Variants in MC5R observed in about 807,000 individuals in gnomAD.
MC5R encodes the protein melanocortin receptor 5.
For missense variants in MC5R, 420 were observed against 431.4 expected, an observed-to-expected ratio of 0.97 and a Z score of 0.23; for synonymous variants, 167 against 164.4, an observed-to-expected ratio of 1.02 and a Z score of -0.12.
rs780394330 is a variant in MC5R, at chr18:13,826,673, G to C, written c.908G>C (p.Arg303Pro). ...LIYAFRSQEM[R>P]KTFKEIICCR... ...TATGCCTTCCGCAGCCAAGAGATGC[G>C]GAAGACCTTTAAGGAGATTATTTGC... Residue 303 changes from arginine to proline, a missense_variant, in exon 2 of 2, where the codon CGG becomes CCG. Coordinates refer to ENST00000589410, the MANE Select transcript of MC5R (RefSeq NM_005913.3). 1 of 1,613,950 alleles carries C rather than the reference G, an allele frequency of 6.2e-7. No individual in the cohort carries two copies. Among genetic ancestry groups the C allele is most frequent in the Admixed American group, 1.7e-5 (1 of 60,012 alleles).
intron 1 of MC5R, among the ~76,000 whole-genome samples, chr18:13,825,048 G>A (rs1298200406): frequency 6.6e-6 from 1 of 152,222 alleles, no homozygotes; most frequent in African/African-American, 2.4e-5. Context: ...CAGCTGTGGA[G>A]GCTGAATCCT....
Position 13,825,945 on chromosome 18 carries a change from C to A in MC5R, c.180C>A (p.Ala60=), listed in dbSNP as rs777096871. 56 of 1,613,918 alleles carry A rather than the reference C, an allele frequency of 3.5e-5. No individual in the cohort carries two copies. Among genetic ancestry groups the A allele is most frequent in the Non-Finnish European group, 4.6e-5 (54 of 1,180,006 alleles). ...TGGAGAACATCTTGGTCATAGGGGCCATAGTGAAGAACAAAAACCTGCACT... is the reference window on the plus strand; with the variant it reads ...TGGAGAACATCTTGGTCATAGGGGCAATAGTGAAGAACAAAAACCTGCACT... ...SLLENILVIG[A]IVKNKNLHSP... is the part of the protein sequence containing the mutation. The change falls in exon 2 of 2, where the codon GCC becomes GCA. Residue 60 remains alanine, a synonymous_variant. Transcript: ENST00000589410.
Position 13,825,934 on chromosome 18 carries a change from G to A in MC5R, c.169G>A (p.Val57Ile), listed in dbSNP as rs761336397. Residue 57 changes from valine (V) to isoleucine (I), a missense_variant, in exon 2 of 2, where the codon GTC becomes ATC. Physicochemically the swap from Val to Ile is conservative, Grantham distance 29 (BLOSUM62 3). Transcript: ENST00000589410. ...CATCAGCCTCTTGGAGAACATCTTG[G>A]TCATAGGGGCCATAGTGAAGAACAA... ...GVISLLENIL[V>I]IGAIVKNKNL... 3 of 1,614,066 alleles carry A rather than the reference G, an allele frequency of 1.9e-6. No individual in the cohort carries two copies. The East Asian group carries it at 6.7e-5, about 36-fold the overall frequency.
Position 13,827,049 on chromosome 18 carries a change from T to C in MC5R, c.*306T>C, listed in dbSNP as rs1314786371. 3.1e-6 allele frequency: 1 copy of C among 321,746 alleles called. No homozygotes were observed. The highest frequency in any genetic ancestry group is 5.7e-6 in the Non-Finnish European group (1 of 175,290). 19.9% of individuals were successfully genotyped at this position (321,746 alleles called of 1,614,324 possible). On this transcript the variant is annotated 3_prime_UTR_variant, in exon 2 of 2. Coordinates refer to ENST00000589410, the MANE Select transcript of MC5R (RefSeq NM_005913.3). ...ACCTAGCAGGCATGTGCTCGGGGAATGCACAGCACCCTCAGTGCAAGCCAG... is the reference window on the plus strand; with the variant it reads ...ACCTAGCAGGCATGTGCTCGGGGAACGCACAGCACCCTCAGTGCAAGCCAG...
rs778905026 is a variant in MC5R, at chr18:13,827,100, C to T, written c.*357C>T. The T allele has an allele frequency of 3.6e-5, 7 of 193,670 alleles. No homozygotes were observed. The highest frequency in any genetic ancestry group is 1.6e-4 in the South Asian group (1 of 6,336). 12.0% of individuals were successfully genotyped at this position (193,670 alleles called of 1,614,324 possible). A position where few individuals can be genotyped will look rare whatever the true frequency, so the allele number is the denominator to read the frequency against. ...ACATGATGAAACACGTATTGTGACG[C>T]GAAGAAAACCGTGATATCGACGCCA... On this transcript the variant is annotated 3_prime_UTR_variant, in exon 2 of 2. Transcript: ENST00000589410.
rs767250007 is a variant in MC5R at position 13,826,787 on chromosome 18, T to C, written c.*44T>C. Reference sequence around the variant, plus strand: ...TGTGGCTCTGTTCTCCTTTGTTTGCTCACCTATGACAAAGCGACAGCCAAG... The same window carrying C: ...TGTGGCTCTGTTCTCCTTTGTTTGCCCACCTATGACAAAGCGACAGCCAAG... On this transcript the variant is annotated 3_prime_UTR_variant, in exon 2 of 2. Coordinates refer to ENST00000589410, the MANE Select transcript of MC5R (RefSeq NM_005913.3). 6.5e-7 allele frequency: 1 copy of C among 1,550,264 alleles called. No homozygotes were observed. The highest frequency in any genetic ancestry group is 8.7e-7 in the Non-Finnish European group (1 of 1,155,366).
chr18:13,826,872 G>T lies in MC5R; in HGVS notation c.*129G>T. ...TTTACCAGCTCAGACATGGGCCTAA[G>T]AGGCTCTCTCTGTTCAGTTCCTGGT... On this transcript the variant is annotated 3_prime_UTR_variant, in exon 2 of 2. Coordinates refer to ENST00000589410, the MANE Select transcript of MC5R (RefSeq NM_005913.3). The T allele has an allele frequency of 6.1e-6, 6 of 984,146 alleles. No homozygotes were observed. Among genetic ancestry groups the T allele is most frequent in the Non-Finnish European group, 8.9e-6 (6 of 676,322 alleles). The allele number at this position is 984,146 out of a possible 1,614,324, so 61.0% of individuals were successfully genotyped here.
At position 13,826,912 on chromosome 18, in the gene MC5R, T is replaced by C. The variant is rs933780435; in HGVS notation, c.*169T>C. 1 of 657,498 alleles carries C rather than the reference T, an allele frequency of 1.5e-6. No homozygotes were observed. The highest frequency in any genetic ancestry group is 2.5e-6 in the Non-Finnish European group (1 of 396,608). The allele number at this position is 657,498 out of a possible 1,614,324, so 40.7% of individuals were successfully genotyped here. A position where few individuals can be genotyped will look rare whatever the true frequency, so the allele number is the denominator to read the frequency against. The stretch of plus-strand genomic sequence containing the variant: ...CAGTTCCTGGTGATTATGTCCAACA[T>C]GCAAGGGTTGCTTATCCACTCTGGG... On this transcript the variant is annotated 3_prime_UTR_variant, in exon 2 of 2. Coordinates refer to ENST00000589410, the MANE Select transcript of MC5R (RefSeq NM_005913.3).
chr18:13,825,261 A>T (rs2044920631), intron 1 of MC5R, among the ~76,000 whole-genome samples: 1 of 152,200 alleles, frequency 6.6e-6, no homozygotes. Context: ...ACTTGAGCCC[A>T]GGAGAGAAGC....
At position 13,826,940 on chromosome 18, in the gene MC5R, C is replaced by T; in HGVS notation, c.*197C>T. 1 of 573,260 alleles carries T rather than the reference C, an allele frequency of 1.7e-6. No homozygotes were observed. Among genetic ancestry groups the T allele is most frequent in the Non-Finnish European group, 3.0e-6 (1 of 331,882 alleles). The allele number at this position is 573,260 out of a possible 1,614,324, so 35.5% of individuals were successfully genotyped here. ...AAGGGTTGCTTATCCACTCTGGGGA[C>T]AGTCATGACAATTTCTTACTGTCCT... is the stretch of plus-strand genomic sequence containing the variant. On this transcript the variant is annotated 3_prime_UTR_variant, in exon 2 of 2. Coordinates refer to ENST00000589410, the MANE Select transcript of MC5R (RefSeq NM_005913.3).
chr18:13,824,421 A>G (rs576686984), intron 1 of MC5R, 147 bp downstream of exon 1: 1 of 152,400 alleles, frequency 6.6e-6, no homozygotes, highest in East Asian at 1.9e-4. Context: ...GTATAATTGC[A>G]TAATTTACCG....
At position 13,825,904 on chromosome 18, in the gene MC5R, G is replaced by A. The variant is rs201348636; in HGVS notation, c.139G>A (p.Gly47Ser). 1 of 1,613,986 alleles carries A rather than the reference G, an allele frequency of 6.2e-7. No homozygotes were observed. Among genetic ancestry groups the A allele is most frequent in the African/African-American group, 1.3e-5 (1 of 74,958 alleles). ...TGCTGTGGAGGTGTTTCTCACTCTG[G>A]GTGTCATCAGCCTCTTGGAGAACAT... Reference protein sequence around the residue: ...GIAVEVFLTLGVISLLENILV... With the variant: ...GIAVEVFLTLSVISLLENILV... The change falls in exon 2 of 2, where the codon GGT becomes AGT. Residue 47 changes from glycine to serine, a missense_variant. By Grantham distance (56) the Gly-to-Ser change is moderately conservative. Transcript: ENST00000589410.
chr18:13,825,564 T>TTA, intron 1 of MC5R, 163 bp from the exon 2 acceptor site: 2 of 333,890 alleles, frequency 6.0e-6, no homozygotes, highest in East Asian at 5.5e-5. Context: ...CCCTGTCTCT[T>TTA]AAAAAAAAAA....
At position 13,826,450 on chromosome 18, in the gene MC5R, C is replaced by A. The variant is rs1002328102; in HGVS notation, c.685C>A (p.Arg229=). The change falls in exon 2 of 2, where the codon CGG becomes AGG. Residue 229 remains arginine (R), a synonymous_variant. Transcript: ENST00000589410. ...IAALPGASSA[R]QRTSMQGAVT... ...GGCTCTGCCCGGGGCCAGCTCTGCG[C>A]GGCAGAGGACCAGCATGCAGGGCGC... The A allele has an allele frequency of 1.9e-6, 3 of 1,613,744 alleles. No homozygotes were observed. In the Admixed American group the frequency reaches 5.0e-5, roughly 27 times the overall value.
rs1184826949 is a variant in MC5R at position 13,826,078 on chromosome 18, G to A, written c.313G>A (p.Val105Met). The A allele has an allele frequency of 6.2e-7, 1 of 1,614,124 alleles. No homozygotes were observed. The highest frequency in any genetic ancestry group is 1.7e-5 in the Admixed American group (1 of 60,022). ...CTACCTACTCAACAACAAGCACCTA[G>A]TGATAGCAGACGCCTTTGTGCGCCA... ...TIYLLNNKHL[V>M]IADAFVRHID... Residue 105 changes from valine (V) to methionine (M), a missense_variant, in exon 2 of 2, where the codon GTG (valine) becomes ATG (methionine). Coordinates refer to ENST00000589410, the MANE Select transcript of MC5R (RefSeq NM_005913.3).
In MC5R at chr18:13,825,815, C is replaced by A; in HGVS notation, c.50C>A (p.Thr17Lys). The A allele has an allele frequency of 6.2e-7, 1 of 1,606,576 alleles. No homozygotes were observed. The highest frequency in any genetic ancestry group is 8.5e-7 in the Non-Finnish European group (1 of 1,177,412). Reference sequence around the variant, plus strand: ...TTCTTGGATCTCAACCTGAATGCCACAGAGGGCAACCTTTCAGGACCCAAT... The same window carrying A: ...TTCTTGGATCTCAACCTGAATGCCAAAGAGGGCAACCTTTCAGGACCCAAT... ...LHFLDLNLNA[T>K]EGNLSGPNVK... is the part of the protein sequence containing the mutation. Residue 17 changes from threonine to lysine, a missense_variant, in exon 2 of 2, where the codon ACA becomes AAA. Physicochemically the swap from Thr to Lys is moderately conservative, Grantham distance 78. Coordinates refer to ENST00000589410, the MANE Select transcript of MC5R (RefSeq NM_005913.3).
rs551214261 is a variant in MC5R at position 13,826,558 on chromosome 18, C to T, written c.793C>T (p.Pro265Ser). The change falls in exon 2 of 2, where the codon CCT becomes TCT. Residue 265 changes from proline (P) to serine (S), a missense_variant. Physicochemically the swap from Pro to Ser is moderately conservative, Grantham distance 74. Coordinates refer to ENST00000589410, the MANE Select transcript of MC5R (RefSeq NM_005913.3). ...FLHLTLMLSC[P>S]QNLYCSRFMS... ...TCATCTCACTTTAATGCTTTCTTGC[C>T]CTCAGAACCTCTACTGCTCTCGCTT... 2.5e-6 allele frequency: 4 copies of T among 1,614,100 alleles called. No individual in the cohort carries two copies. The highest frequency in any genetic ancestry group is 2.2e-5 in the South Asian group (2 of 91,062).
Position 13,826,748 on chromosome 18 carries a change from A to C in MC5R, c.*5A>C. ...AGCTTTCCCAGAAGGGATTAAGCACAAAGTGCTCCTCTCTGTGGCTCTGTT... is the reference window on the plus strand; with the variant it reads ...AGCTTTCCCAGAAGGGATTAAGCACCAAGTGCTCCTCTCTGTGGCTCTGTT... On this transcript the variant is annotated 3_prime_UTR_variant, in exon 2 of 2. Transcript: ENST00000589410. 1.3e-6 allele frequency: 2 copies of C among 1,598,916 alleles called. No homozygotes were observed. Among genetic ancestry groups the C allele is most frequent in the Non-Finnish European group, 8.5e-7 (1 of 1,173,884 alleles).
In MC5R at chr18:13,827,014, T is replaced by A; in HGVS notation, c.*271T>A. The A allele has an allele frequency of 2.6e-6, 1 of 378,722 alleles. No homozygotes were observed. Among genetic ancestry groups the A allele is most frequent in the Non-Finnish European group, 4.7e-6 (1 of 210,660 alleles). 23.5% of individuals were successfully genotyped at this position (378,722 alleles called of 1,614,324 possible). On this transcript the variant is annotated 3_prime_UTR_variant, in exon 2 of 2. Transcript: ENST00000589410. ...CTCCCACCCATTTCTGGGGGCCCCA[T>A]CCACCCTCCACCTAGCAGGCATGTG...
Sources: allele counts gnomAD v4.1 joint callset (sites outside exome capture counted in the v4.1 genomes callset), GRCh38; gene constraint gnomAD v4.1.1; transcripts MANE v1.5; gene names NCBI Gene and HGNC (gene_info 2026-07-23, HGNC 2026-07-21).